The following WNT2B variants were observed in gnomAD, a reference collection of about 807,000 sequenced individuals.
The protein encoded by WNT2B is protein Wnt-2b.
WNT2B carries 19 observed loss-of-function variants against 40.5 expected under a neutral mutation model. That is an observed-to-expected ratio of 0.47 (90% CI 0.33 to 0.69). The LOEUF is 0.69. WNT2B is among the 30% of genes least tolerant of loss of function. WNT2B has a pLI of 0.02. For synonymous variants in WNT2B, 220 were observed against 211.9 expected, an observed-to-expected ratio of 1.04 and a Z score of -0.33; for missense variants, 467 against 556.4, an observed-to-expected ratio of 0.84 and a Z score of 1.62.
intron 1 of WNT2B, among the ~76,000 whole-genome samples, chr1:112,473,900 CAAA>C (rs1253321068): frequency 8.7e-6 from 1 of 114,418 alleles, no homozygotes; most frequent in Non-Finnish European, 1.9e-5. Context: ...ACTAAAAATA[CAAA>C]AAAAAAAAAA....
intron 1 of WNT2B, among the ~76,000 whole-genome samples, chr1:112,479,094 G>GCA (rs1651139013): frequency 6.6e-6 from 1 of 151,200 alleles, no homozygotes; most frequent in African/African-American, 2.4e-5. Context: ...AGTGGTACAT[G>GCA]CCTGTAATCC....
chr1:112,491,971 A>G (rs1203767138), intron 1 of WNT2B, among the ~76,000 whole-genome samples: 2 of 152,204 alleles, frequency 1.3e-5, no homozygotes, highest in Non-Finnish European at 2.9e-5. Context: ...TTTCATCATC[A>G]TGGGAGTGAG....
chr1:112,503,289 C>T (rs1652014285), intron 1 of WNT2B, among the ~76,000 whole-genome samples: 1 of 152,164 alleles, frequency 6.6e-6, no homozygotes. Context: ...CTCTACCCTA[C>T]TTGTTTCACC....
At chr1:112,471,550 C>G (rs146378964) in intron 1 of WNT2B, among the ~76,000 whole-genome samples, 1 of 152,170 alleles carries the variant, frequency 6.6e-6, no homozygotes, top group South Asian at 2.1e-4. Flanking sequence ...TTTTGAACCC[C>G]TATCTCAGTT....
rs1307913463 is a variant in WNT2B at position 112,524,098 on chromosome 1, G to C, written c.*3589G>C. 6.6e-6 allele frequency: 1 copy of C among 152,312 alleles called. No individual in the cohort carries two copies. The highest frequency in any genetic ancestry group is 1.5e-5 in the Non-Finnish European group (1 of 67,994). The allele number at this position is 152,312 out of a possible 1,614,324, so 9.4% of individuals were successfully genotyped here. Reference sequence around the variant, plus strand: ...TAGATCTAATTTCTGAACACTCACTGCTTCATTTCTATTCCTCCTGTTGCA... The same window carrying C: ...TAGATCTAATTTCTGAACACTCACTCCTTCATTTCTATTCCTCCTGTTGCA... On this transcript the variant is annotated 3_prime_UTR_variant, in exon 5 of 5. Coordinates refer to ENST00000369684, the MANE Select transcript of WNT2B (RefSeq NM_024494.3).
At chr1:112,488,475 A>G (rs1035620030) in intron 1 of WNT2B, among the ~76,000 whole-genome samples, 2 of 151,914 alleles carry the variant, frequency 1.3e-5, no homozygotes, top group Non-Finnish European at 2.9e-5. Context: ...TGTTTTGTAA[A>G]TGCTGTAAAT....
chr1:112,515,635 G>A lies in WNT2B; in HGVS notation c.404-505G>A, dbSNP rs929667759. ...ATCTGGAGGTGTCAGGCATACAGGG[G>A]CGATAATTCATCAGTCTCCAAGAGC... On this transcript the variant is annotated intron_variant, in intron 2 of 4. Transcript: ENST00000369684. The surrounding 1 kb of genome is among the most constrained non-coding windows in gnomAD (Gnocchi z 4.4). Among the ~76,000 whole-genome samples, 3 of 152,200 alleles carry A rather than the reference G, an allele frequency of 2.0e-5. No homozygotes were observed. Among genetic ancestry groups the A allele is most frequent in the Non-Finnish European group, 4.4e-5 (3 of 68,030 alleles).
intron 4 of WNT2B, among the ~76,000 whole-genome samples, chr1:112,519,872 C>CTTCTTT (rs10634267): frequency 1.0e-4 from 12 of 115,652 alleles, no homozygotes; most frequent in African/African-American, 1.3e-4. Flanking sequence ...GCCCATGCTT[C>CTTCTTT]TTTTTTTTTT....
intron 1 of WNT2B, among the ~76,000 whole-genome samples, chr1:112,503,256 C>G (rs550777291): frequency 6.6e-6 from 1 of 152,072 alleles, no homozygotes; most frequent in African/African-American, 2.4e-5. Flanking sequence ...GAAAGACGGT[C>G]GGTCCCACAG....
intron 1 of WNT2B, among the ~76,000 whole-genome samples, chr1:112,487,933 C>CAAA (rs59297238): frequency 1.5e-5 from 1 of 68,204 alleles, no homozygotes; most frequent in African/African-American, 6.7e-5. Flanking sequence ...GGCTCTGACT[C>CAAA]AAAAAAAAAA....
At chr1:112,514,531 T>C (rs1198150011) in intron 1 of WNT2B, among the ~76,000 whole-genome samples, 1 of 152,200 alleles carries the variant, frequency 6.6e-6, no homozygotes, top group Admixed American at 6.5e-5. Context: ...GCTCTTAATG[T>C]TTATTAAATA....
Position 112,520,271 on chromosome 1 carries a change from C to G in WNT2B, c.947-9C>G. 1 of 1,612,510 alleles carries G rather than the reference C, an allele frequency of 6.2e-7. No homozygotes were observed. Among genetic ancestry groups the G allele is most frequent in the Middle Eastern group, 1.7e-4 (1 of 6,060 alleles). On this transcript the variant is annotated splice_polypyrimidine_tract_variant and intron_variant, in intron 4 of 4. Transcript: ENST00000369684. Reference sequence around the variant, plus strand: ...ACTTTGTTCTCACTCCCTCTCTTCCCCAACCCAGGTTCCCTAGGCACTGCA... The same window carrying G: ...ACTTTGTTCTCACTCCCTCTCTTCCGCAACCCAGGTTCCCTAGGCACTGCA...
intron 4 of WNT2B, among the ~76,000 whole-genome samples, 180 bp downstream of exon 4, chr1:112,517,565 C>T (rs1272717300): frequency 6.6e-6 from 1 of 152,138 alleles, no homozygotes; most frequent in African/African-American, 2.4e-5. Context: ...CCAGTGCTGC[C>T]CAAGTAGAGA....
intron 1 of WNT2B, among the ~76,000 whole-genome samples, chr1:112,473,069 GAAAA>G (rs1330621638): frequency 7.2e-6 from 1 of 138,272 alleles, no homozygotes; most frequent in Non-Finnish European, 1.6e-5. Context: ...AGGAAAGGAA[GAAAA>G]AGAAAGAAAG....
chr1:112,517,006 G>A, intron 3 of WNT2B, 115 bp from the exon 4 acceptor site: 1 of 1,416,298 alleles, frequency 7.1e-7, no homozygotes. Context: ...AGCTCAATCG[G>A]CCAGCCAGGG....
intron 1 of WNT2B, among the ~76,000 whole-genome samples, chr1:112,495,277 G>A (rs1281092912): frequency 6.7e-6 from 1 of 148,166 alleles, no homozygotes. Context: ...AAATATGGTA[G>A]ATATAAATCC....
chr1:112,498,066 C>T (rs1651832914), intron 1 of WNT2B, among the ~76,000 whole-genome samples: 5 of 152,040 alleles, frequency 3.3e-5, no homozygotes, highest in Non-Finnish European at 7.4e-5. Context: ...CTAACGATCT[C>T]TGTCCCCTTT....
intron 1 of WNT2B, among the ~76,000 whole-genome samples, chr1:112,500,870 T>A (rs1297330101): frequency 6.6e-6 from 1 of 152,224 alleles, no homozygotes; most frequent in Non-Finnish European, 1.5e-5. Flanking sequence ...GTTTTCCCGA[T>A]TACAAACATC....
At chr1:112,510,760 G>A (rs924936876) in intron 1 of WNT2B, among the ~76,000 whole-genome samples, 3 of 151,774 alleles carry the variant, frequency 2.0e-5, no homozygotes, top group Non-Finnish European at 4.4e-5. Context: ...TCTGGTTGGG[G>A]GAACAGAGAG....
Sources: gnomAD v4.1 joint callset for allele counts (sites outside exome capture counted in the v4.1 genomes callset) on GRCh38, gnomAD v4.1.1 for gene constraint, Gnocchi (gnomAD v3.1) non-coding constraint, MANE v1.5 for transcripts, NCBI Gene and HGNC (gene_info 2026-07-23, HGNC 2026-07-21) for gene names.